The following EHBP1 variants were observed in gnomAD, a reference collection of about 807,000 sequenced individuals.
EHBP1 encodes the protein EH domain-binding protein 1.
EHBP1 carries 55 observed loss-of-function variants against 144.0 expected under a neutral mutation model. The observed-to-expected ratio is 0.38, with a 90% CI of 0.31 to 0.48. The LOEUF is 0.48. Among genes scored for constraint, EHBP1 ranks in the 20% least tolerant of loss-of-function variants. EHBP1 has a pLI of 0.98. For missense variants in EHBP1, 1,200 were observed against 1,364.2 expected, an observed-to-expected ratio of 0.88 and a Z score of 1.90; for synonymous variants, 469 against 472.7, an observed-to-expected ratio of 0.99 and a Z score of 0.10.
intron 5 of EHBP1, chr2:62,771,878 T>G (rs1573258481): frequency 6.6e-6 from 1 of 152,058 alleles, no homozygotes; most frequent in South Asian, 2.1e-4. Context: ...GAGGCTGAGG[T>G]AGGCAGATCA....
intron 2 of EHBP1, among the ~76,000 whole-genome samples, chr2:62,719,297 A>G (rs1199587464): frequency 1.3e-5 from 2 of 152,104 alleles, no homozygotes; most frequent in Non-Finnish European, 2.9e-5. Flanking sequence ...AAGTTTTGAA[A>G]CTTCTTAAGT....
At chr2:62,780,221 C>G (rs992377088) in intron 5 of EHBP1, among the ~76,000 whole-genome samples, 1 of 152,004 alleles carries the variant, frequency 6.6e-6, no homozygotes, top group East Asian at 1.9e-4. Context: ...TAAGAAGCAA[C>G]AAAGCTTCTC....
intron 10 of EHBP1, among the ~76,000 whole-genome samples, chr2:62,928,437 T>G (rs1438804963): frequency 1.3e-5 from 2 of 152,140 alleles, no homozygotes; most frequent in Non-Finnish European, 2.9e-5. Flanking sequence ...GCCTTAATTT[T>G]ATCAACACTA....
chr2:62,975,887 TACACACACACAC>T lies in EHBP1; in HGVS notation c.2461-3263_2461-3252del, dbSNP rs57375651. ...TCAGCCTGGATGGGTTTACTGTATG[TACACACACACAC>T]ACACACACACACACACACACACACA... On this transcript the variant is annotated intron_variant, in intron 14 of 22. Transcript: ENST00000431489. 5.2e-3 allele frequency among the ~76,000 whole-genome samples: 642 copies of T among 123,746 alleles called. 9 individuals are homozygous for T. In the East Asian group the frequency reaches 0.057, roughly 11 times the overall value. 81.2% of individuals were successfully genotyped at this position (123,746 alleles called of 152,430 possible). A position where few individuals can be genotyped will look rare whatever the true frequency, so the allele number is the denominator to read the frequency against.
chr2:62,949,041 C>T lies in EHBP1; in HGVS notation c.2195C>T (p.Ser732Leu). The change falls in exon 13 of 23, where the codon TCA becomes TTA. Residue 732 changes from serine to leucine, a missense_variant. Around this residue, in one of 6 missense-constraint regions of EHBP1, gnomAD observed 543 missense variants for 513.1 expected, o/e 1.06. Transcript: ENST00000431489. ...TCTCCTACTTCTAAACTTGGATACT[C>T]ATATAGTAGAGATCTAGACCTTGCT... Reference protein sequence around the residue: ...SLSPTSKLGYSYSRDLDLAKK... With the variant: ...SLSPTSKLGYLYSRDLDLAKK... 2 of 1,613,676 alleles carry T rather than the reference C, an allele frequency of 1.2e-6. No individual in the cohort carries two copies. Among genetic ancestry groups the T allele is most frequent in the East Asian group, 2.2e-5 (1 of 44,814 alleles).
intron 18 of EHBP1, 82 bp downstream of exon 18, chr2:62,994,059 G>T: frequency 2.1e-6 from 2 of 958,892 alleles, no homozygotes; most frequent in Non-Finnish European, 1.5e-6. Flanking sequence ...TTGTTAAAAT[G>T]AGATGTTAGG....
chr2:62,929,081 A>T (rs965102195), intron 10 of EHBP1, among the ~76,000 whole-genome samples: 2 of 152,188 alleles, frequency 1.3e-5, no homozygotes, highest in Admixed American at 1.3e-4. Context: ...AAGAAGAATG[A>T]ATCAGTAATC....
chr2:62,960,440 T>C (rs1441683475), intron 14 of EHBP1, among the ~76,000 whole-genome samples: 1 of 152,200 alleles, frequency 6.6e-6, no homozygotes, highest in Non-Finnish European at 1.5e-5. Context: ...TCCTCATGGC[T>C]CCTTGCAGTG....
chr2:63,020,343 AAAAG>A (rs2060682574), intron 19 of EHBP1, among the ~76,000 whole-genome samples: 1 of 150,436 alleles, frequency 6.6e-6, no homozygotes, highest in Non-Finnish European at 1.5e-5. Flanking sequence ...AAAAAAAAAA[AAAAG>A]AAAACATTAG....
chr2:62,800,282 C>G (rs1208400735), intron 5 of EHBP1, among the ~76,000 whole-genome samples: 1 of 152,200 alleles, frequency 6.6e-6, no homozygotes, highest in East Asian at 1.9e-4. Flanking sequence ...GATATAGTGT[C>G]TCTGGCAGTA....
rs143614274 is a variant in EHBP1, at chr2:62,892,228, C to T, written c.1185+17696C>T. 2.0e-5 allele frequency among the ~76,000 whole-genome samples: 3 copies of T among 152,148 alleles called. No homozygotes were observed. The East Asian group carries it at 5.8e-4, about 29-fold the overall frequency. ...CCACCACCACCACGTGTTATTGAAACGAAATTGTTTAGTGTTTTTCTGTGT... is the reference window on the plus strand; with the variant it reads ...CCACCACCACCACGTGTTATTGAAATGAAATTGTTTAGTGTTTTTCTGTGT... On this transcript the variant is annotated intron_variant, in intron 10 of 22. Coordinates refer to ENST00000431489, the MANE Select transcript of EHBP1 (RefSeq NM_001142616.3).
At chr2:62,742,369 G>A (rs760235841) in intron 2 of EHBP1, among the ~76,000 whole-genome samples, 1 of 152,092 alleles carries the variant, frequency 6.6e-6, no homozygotes, top group African/African-American at 2.4e-5. Context: ...CAGATATGGA[G>A]AGACAACTGT....
Position 62,993,857 on chromosome 2 carries a change from CTTTT to C in EHBP1, c.2873-7_2873-4del. On this transcript the variant is annotated splice_polypyrimidine_tract_variant and intron_variant, in intron 17 of 22. Transcript: ENST00000431489. ...TACAATAATTTTACATGTCTTTCCT[CTTTT>C]TTTTTTAAGAGATGAAAAGGCAGAG... The C allele has an allele frequency of 5.4e-6, 7 of 1,291,342 alleles. No homozygotes were observed. The highest frequency in any genetic ancestry group is 4.7e-5 in the South Asian group (3 of 63,960). The allele number at this position is 1,291,342 out of a possible 1,614,324, so 80.0% of individuals were successfully genotyped here.
At chr2:62,769,178 G>C (rs550289980) in intron 4 of EHBP1, among the ~76,000 whole-genome samples, 148 of 152,256 alleles carry the variant, frequency 9.7e-4, no homozygotes, top group African/African-American at 3.5e-3. Flanking sequence ...GCAAGAGAAA[G>C]AAATAAAGCG....
rs568039648 is a variant in EHBP1, at chr2:62,732,610, G to C, written c.105-14785G>C. Among the ~76,000 whole-genome samples the C allele has an allele frequency of 1.4e-4, 21 of 152,166 alleles. No homozygotes were observed. In the South Asian group the frequency reaches 4.4e-3, roughly 32 times the overall value. On this transcript the variant is annotated intron_variant, in intron 2 of 22. Transcript: ENST00000431489. ...TCCTTCTCCTCTGGCCATGTAAAAC[G>C]TGCCAGCTTCCCCCTCACCTTTTGC...
chr2:62,829,323 C>T (rs2046602549), intron 6 of EHBP1, among the ~76,000 whole-genome samples: 1 of 151,842 alleles, frequency 6.6e-6, no homozygotes, highest in Non-Finnish European at 1.5e-5. Flanking sequence ...GCAGTGTACA[C>T]GGTACTCAAT....
At chr2:62,873,753 CAG>C (rs1450678230) in intron 9 of EHBP1, among the ~76,000 whole-genome samples, 2 of 152,132 alleles carry the variant, frequency 1.3e-5, no homozygotes, top group Non-Finnish European at 2.9e-5. Context: ...ATTAGGCTGA[CAG>C]TGGATTAATA....
rs2039266988 is a variant in EHBP1 at position 62,747,452 on chromosome 2, G to A, written c.162G>A (p.Lys54=). ...WTRRSRRKSS[K]AHSWQPGIKN... ...GAAGAAGCCGAAGGAAGTCTTCTAA[G>A]GTTAGTGTATTTTCTAAATTTCTTA... Residue 54 remains lysine, a splice_region_variant and synonymous_variant, in exon 3 of 23, where the codon AAG becomes AAA. Coordinates refer to ENST00000431489, the MANE Select transcript of EHBP1 (RefSeq NM_001142616.3). 1 of 1,603,938 alleles carries A rather than the reference G, an allele frequency of 6.2e-7. No individual in the cohort carries two copies.
intron 5 of EHBP1, among the ~76,000 whole-genome samples, chr2:62,786,724 G>T (rs1030655938): frequency 6.6e-6 from 1 of 152,076 alleles, no homozygotes; most frequent in Admixed American, 6.6e-5. Flanking sequence ...TGCTTTCTCC[G>T]CAGCAGAATT....
Sources: gnomAD v4.1 joint callset for allele counts (sites outside exome capture counted in the v4.1 genomes callset) on GRCh38, gnomAD v4.1.1 for gene constraint, gnomAD v4.1.1 regional missense constraint, MANE v1.5 for transcripts, NCBI Gene and HGNC (gene_info 2026-07-23, HGNC 2026-07-21) for gene names.